NAALADL2: variants seen among roughly 807,000 people sequenced by gnomAD.
NAALADL2 encodes the protein inactive N-acetylated-alpha-linked acidic dipeptidase-like protein 2.
NAALADL2 carries 76 observed loss-of-function variants against 87.2 expected under a neutral mutation model. That is an observed-to-expected ratio of 0.87 (90% CI 0.72 to 1.05). The LOEUF (loss-of-function observed/expected upper bound fraction) is 1.05, where lower values mean the gene tolerates loss of function less well. Among genes scored for constraint, NAALADL2 ranks in the 50% least tolerant of loss-of-function variants. The pLI, the probability that NAALADL2 is intolerant of heterozygous loss-of-function variation, is 0.00. For missense variants in NAALADL2, 1,089 were observed against 945.8 expected (o/e 1.15, Z -1.99); for synonymous variants, 354 against 331.0 (o/e 1.07, Z -0.75).
chr3:175,351,847 G>T (rs1763810258), intron 5 of NAALADL2, among the ~76,000 whole-genome samples: 1 of 152,048 alleles, frequency 6.6e-6, no homozygotes, highest in Admixed American at 6.6e-5. Context: ...TCATCCATTT[G>T]GGGGTGGCGA....
intron 1 of NAALADL2, among the ~76,000 whole-genome samples, chr3:174,957,514 A>G (rs111645232): frequency 6.6e-6 from 1 of 152,054 alleles, no homozygotes. Context: ...TTCCAAAGCA[A>G]CCTAAGCTGT....
At chr3:174,711,114 C>T (rs2108914756) in intron 2 of NAALADL2, among the ~76,000 whole-genome samples, 1 of 152,270 alleles carries the variant, frequency 6.6e-6, no homozygotes, top group East Asian at 1.9e-4. Flanking sequence ...TGGGGGAAAA[C>T]TGGCTGTAGG....
chr3:175,336,585 A>G (rs1761994827), intron 5 of NAALADL2, among the ~76,000 whole-genome samples: 1 of 152,246 alleles, frequency 6.6e-6, no homozygotes, highest in African/African-American at 2.4e-5. Flanking sequence ...ATGGCAAAGT[A>G]TACACCTGCA....
Position 175,368,354 on chromosome 3 carries a change from G to T in NAALADL2, c.1090+44029G>T, listed in dbSNP as rs572938721. ...TGTCTCTGCCTGGCTTTGGTATCAG[G>T]ATGATGCTGGCCTCATAAAATGAGT... On this transcript the variant is annotated intron_variant, in intron 5 of 13. Coordinates refer to ENST00000454872, the MANE Select transcript of NAALADL2 (RefSeq NM_207015.3). 3.9e-4 allele frequency among the ~76,000 whole-genome samples: 60 copies of T among 152,198 alleles called. No homozygotes were observed. The South Asian group carries it at 0.012, about 30-fold the overall frequency.
rs1578470579 is a variant in NAALADL2 at position 174,664,183 on chromosome 3, A to G, written c.-114-73458A>G. Among the ~76,000 whole-genome samples the G allele has an allele frequency of 3.3e-5, 5 of 152,366 alleles. No homozygotes were observed. The East Asian group carries it at 9.6e-4, about 29-fold the overall frequency. On this transcript the variant is annotated intron_variant, in intron 2 of 3. Coordinates refer to the NAALADL2 transcript ENST00000434257. Reference sequence around the variant, plus strand: ...CCACTGCTGAGAAAATATCAAAATCAAAAATAGTAGTTGTAATTAAATGAA... The same window carrying G: ...CCACTGCTGAGAAAATATCAAAATCGAAAATAGTAGTTGTAATTAAATGAA...
intron 1 of NAALADL2, among the ~76,000 whole-genome samples, chr3:174,880,912 G>GT (rs1228056761): frequency 6.6e-6 from 1 of 152,006 alleles, no homozygotes; most frequent in African/African-American, 2.4e-5. Flanking sequence ...TTAGATTCTG[G>GT]TGGCTGATGG....
At chr3:175,513,073 GT>G (rs1453855211) in intron 9 of NAALADL2, among the ~76,000 whole-genome samples, 1 of 152,144 alleles carries the variant, frequency 6.6e-6, no homozygotes, top group Non-Finnish European at 1.5e-5. Flanking sequence ...TGCTGCCCCA[GT>G]TTCTGTGTGC....
chr3:175,325,170 A>T (rs187174248), intron 5 of NAALADL2, among the ~76,000 whole-genome samples: 3 of 152,280 alleles, frequency 2.0e-5, no homozygotes, highest in Admixed American at 1.3e-4. Context: ...TTCCCCAAAA[A>T]ATCGCAAAAG....
chr3:174,467,015 TG>T (rs917915950), intron 1 of NAALADL2, among the ~76,000 whole-genome samples: 7 of 152,144 alleles, frequency 4.6e-5, no homozygotes, highest in African/African-American at 1.2e-4. Flanking sequence ...CATTAGAAGT[TG>T]TTTTTTTTTA....
chr3:174,805,165 G>A (rs567475157), intron 3 of NAALADL2, among the ~76,000 whole-genome samples: 1 of 152,082 alleles, frequency 6.6e-6, no homozygotes. Context: ...CTTTTATGCT[G>A]TCAAAATTGG....
chr3:174,555,995 G>C (rs1388920793), intron 2 of NAALADL2, among the ~76,000 whole-genome samples: 1 of 137,302 alleles, frequency 7.3e-6, no homozygotes, highest in African/African-American at 2.9e-5. Context: ...GTGTGTGTGT[G>C]TGTGTGTGTG....
intron 5 of NAALADL2, among the ~76,000 whole-genome samples, chr3:175,401,659 G>T (rs1367165855): frequency 1.3e-5 from 2 of 152,098 alleles, no homozygotes; most frequent in Admixed American, 1.3e-4. Flanking sequence ...TAACACAGTG[G>T]GAAGTATTTG....
intron 12 of NAALADL2, among the ~76,000 whole-genome samples, chr3:175,743,806 G>A (rs1391151048): frequency 6.6e-6 from 1 of 152,198 alleles, no homozygotes; most frequent in African/African-American, 2.4e-5. Flanking sequence ...CATTGGTAAG[G>A]ACAGCGTCCA....
intron 3 of NAALADL2, among the ~76,000 whole-genome samples, chr3:174,790,570 C>T (rs1474134918): frequency 6.6e-6 from 1 of 151,712 alleles, no homozygotes; most frequent in East Asian, 1.9e-4. Context: ...ATTGCCTGAA[C>T]CCAGGAGGCA....
At chr3:175,732,261 A>G (rs1300522154) in intron 11 of NAALADL2, among the ~76,000 whole-genome samples, 1 of 152,202 alleles carries the variant, frequency 6.6e-6, no homozygotes, top group Admixed American at 6.5e-5. Flanking sequence ...TTTCATGTGC[A>G]TGATGGGGGG....
chr3:174,791,813 C>T (rs1303179034), intron 3 of NAALADL2, among the ~76,000 whole-genome samples: 5 of 152,130 alleles, frequency 3.3e-5, no homozygotes, highest in Non-Finnish European at 7.3e-5. Flanking sequence ...TTACTGTAAG[C>T]TCCATAGAGG....
intron 13 of NAALADL2, among the ~76,000 whole-genome samples, chr3:175,792,105 T>C (rs1752863521): frequency 6.6e-6 from 1 of 152,216 alleles, no homozygotes; most frequent in Non-Finnish European, 1.5e-5. Flanking sequence ...TTGTGTCCAT[T>C]TGTTTACAAA....
chr3:175,288,108 G>A (rs1755200843), intron 4 of NAALADL2, among the ~76,000 whole-genome samples: 1 of 152,052 alleles, frequency 6.6e-6, no homozygotes, highest in Non-Finnish European at 1.5e-5. Context: ...TGAGACCAGA[G>A]TCTCACTCCG....
chr3:174,514,927 C>G (rs966068993), intron 1 of NAALADL2, among the ~76,000 whole-genome samples: 16 of 152,070 alleles, frequency 1.1e-4, no homozygotes, highest in Admixed American at 9.8e-4. Flanking sequence ...TGGCTTGCTA[C>G]CTACTTCCAA....
Sources: gnomAD v4.1 joint callset for allele counts (sites outside exome capture counted in the v4.1 genomes callset) on GRCh38, gnomAD v4.1.1 for gene constraint, MANE v1.5 for transcripts, NCBI Gene and HGNC (gene_info 2026-07-23, HGNC 2026-07-21) for gene names.